Variants in TMEM117 observed in about 807,000 individuals in gnomAD.
TMEM117 encodes the protein transmembrane protein 117.
A neutral mutation model predicts 52.4 loss-of-function variants in TMEM117; 27 were observed. The ratio of observed to expected loss-of-function variants is 0.51; its 90% CI spans 0.38 to 0.71. TMEM117 has a LOEUF of 0.71. Ranked by LOEUF, TMEM117 falls within the 30% of genes least tolerant of loss-of-function variation. The pLI, the probability that TMEM117 is intolerant of heterozygous loss-of-function variation, is 0.00. For missense variants in TMEM117, 556 were observed against 630.5 expected (o/e 0.88, Z 1.26); for synonymous variants, 215 against 206.3 (o/e 1.04, Z -0.36).
At chr12:43,857,425 TGGGA>T (rs1943420180) in intron 2 of TMEM117, among the ~76,000 whole-genome samples, 1 of 151,616 alleles carries the variant, frequency 6.6e-6, no homozygotes, top group Admixed American at 6.6e-5. Context: ...TTCCTACCCA[TGGGA>T]GGTAATGCTA....
At chr12:44,194,008 G>T (rs7310881) in intron 4 of TMEM117, among the ~76,000 whole-genome samples, 15,755 of 152,008 alleles carry the variant, frequency 0.1, 931 homozygotes, top group Middle Eastern at 0.2. Context: ...TTAATTATTA[G>T]AATTATCTAT....
intron 2 of TMEM117, among the ~76,000 whole-genome samples, chr12:43,858,237 T>A (rs1943432443): frequency 1.3e-5 from 2 of 152,158 alleles, no homozygotes; most frequent in Non-Finnish European, 2.9e-5. Context: ...TAGCCAGCAG[T>A]AAAATTGGAA....
At chr12:44,014,049 C>T (rs1007079077) in intron 3 of TMEM117, among the ~76,000 whole-genome samples, 1 of 152,126 alleles carries the variant, frequency 6.6e-6, no homozygotes, top group Non-Finnish European at 1.5e-5. Flanking sequence ...TCAGATACAA[C>T]TGTGGACTAG....
chr12:44,048,817 G>A (rs1388652725), intron 3 of TMEM117, among the ~76,000 whole-genome samples: 6 of 152,126 alleles, frequency 3.9e-5, no homozygotes, highest in Non-Finnish European at 5.9e-5. Flanking sequence ...ATACAAACAC[G>A]TACTGGACAG....
intron 7 of TMEM117, 127 bp downstream of exon 7, chr12:44,376,851 C>G (rs1951949407): frequency 9.4e-7 from 1 of 1,065,202 alleles, no homozygotes; most frequent in Non-Finnish European, 1.3e-6. Flanking sequence ...ATTCACTTAA[C>G]AGTGCAAGGT....
chr12:44,158,458 G>C (rs745606786), intron 4 of TMEM117, among the ~76,000 whole-genome samples: 1 of 152,156 alleles, frequency 6.6e-6, no homozygotes, highest in Non-Finnish European at 1.5e-5. Context: ...ACATAAAGGC[G>C]AGATAGTGTC....
rs1299827072 is a variant in TMEM117 at position 44,077,283 on chromosome 12, G to C, written c.411-66242G>C. The stretch of plus-strand genomic sequence containing the variant: ...GCTGGCATTGCCACAGGTACAACTT[G>C]CTGCAAACAGGTCAAGAACTCTGCT... On this transcript the variant is annotated intron_variant, in intron 3 of 7. Transcript: ENST00000266534. 3.3e-5 allele frequency among the ~76,000 whole-genome samples: 5 copies of C among 152,108 alleles called. No homozygotes were observed. The East Asian group carries it at 9.6e-4, about 29-fold the overall frequency.
chr12:44,344,985 C>T (rs1015131274), intron 6 of TMEM117, among the ~76,000 whole-genome samples: 11 of 152,018 alleles, frequency 7.2e-5, no homozygotes, highest in Admixed American at 2.6e-4. Context: ...GTGGGCCTAC[C>T]GAGAGAAGGT....
intron 2 of TMEM117, among the ~76,000 whole-genome samples, chr12:43,927,687 T>C (rs1377216875): frequency 6.6e-6 from 1 of 152,054 alleles, no homozygotes; most frequent in Non-Finnish European, 1.5e-5. Context: ...AACATTGTTT[T>C]TTAACTTAAA....
chr12:43,967,520 T>G (rs1333163530), intron 3 of TMEM117, among the ~76,000 whole-genome samples: 1 of 152,164 alleles, frequency 6.6e-6, no homozygotes, highest in African/African-American at 2.4e-5. Flanking sequence ...GCTGCCACAT[T>G]GTCTGTATGT....
rs1185296758 is a variant in TMEM117 at position 44,313,371 on chromosome 12, T to TTC, written c.768+13633_768+13634dup. Among the ~76,000 whole-genome samples the TTC allele has an allele frequency of 4.6e-5, 7 of 152,238 alleles. No individual in the cohort carries two copies. In the East Asian group the frequency reaches 1.3e-3, roughly 29 times the overall value. ...CACCATTTATTACATATGGAGTTCT[T>TTC]TCCTTATTGCTTATTTTTGTTGACT... On this transcript the variant is annotated intron_variant, in intron 6 of 7. Transcript: ENST00000266534.
intron 4 of TMEM117, among the ~76,000 whole-genome samples, chr12:44,173,033 T>C (rs1397029000): frequency 6.6e-6 from 1 of 152,170 alleles, no homozygotes; most frequent in South Asian, 2.1e-4. Context: ...CCGCAAAATC[T>C]TTCTTTTTTT....
At chr12:43,956,804 A>G (rs963938053) in intron 3 of TMEM117, among the ~76,000 whole-genome samples, 2 of 152,236 alleles carry the variant, frequency 1.3e-5, no homozygotes, top group Non-Finnish European at 2.9e-5. Context: ...ATTACTGGGT[A>G]TATACCCAAA....
chr12:43,796,967 G>A, the TMEM117 span: 1 of 1,606,720 alleles, frequency 6.2e-7, no homozygotes. Flanking sequence ...TTTAAAATAG[G>A]TGGGCTACCT....
chr12:44,161,986 G>A (rs1948904638), intron 4 of TMEM117, among the ~76,000 whole-genome samples: 1 of 152,028 alleles, frequency 6.6e-6, no homozygotes, highest in South Asian at 2.1e-4. Flanking sequence ...TCAGCAATCA[G>A]ATACAGAAAA....
the TMEM117 span, among the ~76,000 whole-genome samples, chr12:43,813,237 T>G: frequency 6.1e-5 from 7 of 113,990 alleles, no homozygotes; most frequent in South Asian, 2.8e-4. Flanking sequence ...TCTTGTTTTT[T>G]TTTTTTTTTT....
chr12:44,199,658 A>AT (rs1185906623), intron 4 of TMEM117, among the ~76,000 whole-genome samples: 2 of 152,300 alleles, frequency 1.3e-5, no homozygotes, highest in African/African-American at 4.8e-5. Context: ...CAGGATCTTT[A>AT]TTGAAGTATT....
chr12:43,915,631 T>G (rs10785468), intron 2 of TMEM117, among the ~76,000 whole-genome samples: 43,022 of 151,748 alleles, frequency 0.28, 8,782 homozygotes, highest in African/African-American at 0.58. Flanking sequence ...TAGAATTGTC[T>G]AATTTAAAGG....
chr12:43,876,171 A>T (rs946271209), intron 2 of TMEM117, among the ~76,000 whole-genome samples: 1 of 151,926 alleles, frequency 6.6e-6, no homozygotes, highest in African/African-American at 2.4e-5. Flanking sequence ...CTTTCCGGTT[A>T]TTGTTCACCT....
Sources: allele counts gnomAD v4.1 joint callset (sites outside exome capture counted in the v4.1 genomes callset), GRCh38; gene constraint gnomAD v4.1.1; transcripts MANE v1.5; gene names NCBI Gene and HGNC (gene_info 2026-07-23, HGNC 2026-07-21).